Variants in ALPK2 observed in about 807,000 individuals in gnomAD.
ALPK2 encodes alpha-protein kinase 2.
ALPK2 carries 127 observed loss-of-function variants against 163.1 expected under a neutral mutation model. That is an observed-to-expected ratio of 0.78 (90% CI 0.67 to 0.90). ALPK2 has a LOEUF of 0.90. Among genes scored for constraint, ALPK2 ranks in the 40% least tolerant of loss-of-function variants. The pLI is 0.00. For synonymous variants in ALPK2, 953 were observed against 959.1 expected, an observed-to-expected ratio of 0.99 and a Z score of 0.12; for missense variants, 2,360 against 2,589.6, an observed-to-expected ratio of 0.91 and a Z score of 1.92.
At chr18:58,603,885 G>A (rs905919528) in intron 3 of ALPK2, among the ~76,000 whole-genome samples, 2 of 152,044 alleles carry the variant, frequency 1.3e-5, no homozygotes, top group Non-Finnish European at 2.9e-5. Flanking sequence ...CCCTGGGAAT[G>A]CCTTCTTGGC....
intron 11 of ALPK2, among the ~76,000 whole-genome samples, chr18:58,502,179 CAA>C (rs9319931): frequency 9.2e-5 from 10 of 108,192 alleles, no homozygotes; most frequent in South Asian, 3.2e-4. Flanking sequence ...CACACACACA[CAA>C]AGAAAAAAAA....
intron 4 of ALPK2, among the ~76,000 whole-genome samples, chr18:58,542,183 G>C (rs1415162390): frequency 5.3e-5 from 8 of 152,240 alleles, no homozygotes; most frequent in Non-Finnish European, 4.4e-5. Context: ...ATTGGATATA[G>C]CATGCATGAC....
At chr18:58,563,053 G>C (rs1290394453) in intron 4 of ALPK2, among the ~76,000 whole-genome samples, 1 of 152,216 alleles carries the variant, frequency 6.6e-6, no homozygotes, top group Non-Finnish European at 1.5e-5. Context: ...ATTACAGAGT[G>C]ATGCTCCCCC....
intron 1 of ALPK2, among the ~76,000 whole-genome samples, chr18:58,617,101 G>A (rs939711359): frequency 6.6e-6 from 1 of 152,162 alleles, no homozygotes; most frequent in African/African-American, 2.4e-5. Flanking sequence ...TTGTTGTTGT[G>A]GTGGTGGGAG....
chr18:58,510,950 C>A (rs1188873659), intron 10 of ALPK2, among the ~76,000 whole-genome samples: 1 of 152,200 alleles, frequency 6.6e-6, no homozygotes, highest in Non-Finnish European at 1.5e-5. Flanking sequence ...GAGAGGGCGT[C>A]CCTGTCTTAT....
At chr18:58,540,920 G>C (rs946899209) in intron 4 of ALPK2, among the ~76,000 whole-genome samples, 11 of 152,196 alleles carry the variant, frequency 7.2e-5, no homozygotes, top group Admixed American at 3.3e-4. Context: ...CATCAGCAAA[G>C]TAATAAGCGG....
chr18:58,555,460 G>A (rs1338874861), intron 4 of ALPK2, among the ~76,000 whole-genome samples: 1 of 152,192 alleles, frequency 6.6e-6, no homozygotes, highest in Non-Finnish European at 1.5e-5. Flanking sequence ...GCAAAGGTAA[G>A]CACTGAGCAA....
intron 8 of ALPK2, among the ~76,000 whole-genome samples, chr18:58,520,310 A>G (rs1343353257): frequency 6.6e-6 from 1 of 151,642 alleles, no homozygotes; most frequent in Non-Finnish European, 1.5e-5. Context: ...GGTGCCTGTA[A>G]TCCAACTACT....
chr18:58,518,256 G>A (rs1225033124), intron 8 of ALPK2, among the ~76,000 whole-genome samples: 1 of 152,078 alleles, frequency 6.6e-6, no homozygotes, highest in Non-Finnish European at 1.5e-5. Flanking sequence ...AAAATCATAC[G>A]ATTTGAGACT....
In ALPK2 at chr18:58,504,278, C is replaced by A. The variant is rs1602189781; in HGVS notation, c.6030-130G>T. 6 of 690,360 alleles carry A rather than the reference C, an allele frequency of 8.7e-6. 1 individual carries two copies. In the South Asian group the frequency reaches 1.2e-4, roughly 14 times the overall value. 42.8% of individuals were successfully genotyped at this position (690,360 alleles called of 1,614,324 possible). A position where few individuals can be genotyped will look rare whatever the true frequency, so the allele number is the denominator to read the frequency against. On this transcript the variant is annotated intron_variant, in intron 10 of 12. Coordinates refer to ENST00000361673, the MANE Select transcript of ALPK2 (RefSeq NM_052947.4). Reference sequence around the variant, plus strand: ...CCCCAATTCTGCTAGGTTTAGACTACAAATCCATCCAATGACTTTTTAGTG... The same window carrying A: ...CCCCAATTCTGCTAGGTTTAGACTAAAAATCCATCCAATGACTTTTTAGTG...
intron 8 of ALPK2, among the ~76,000 whole-genome samples, chr18:58,520,834 T>TA (rs1349047599): frequency 3.3e-5 from 5 of 152,178 alleles, no homozygotes; most frequent in African/African-American, 7.2e-5. Context: ...CCTCTGAATT[T>TA]AAAAAAAGTG....
At chr18:58,620,042 G>A (rs2052190124) in intron 1 of ALPK2, among the ~76,000 whole-genome samples, 1 of 152,232 alleles carries the variant, frequency 6.6e-6, no homozygotes, top group African/African-American at 2.4e-5. Context: ...TGTTATCCCA[G>A]CACTTTGGGA....
chr18:58,517,435 C>T (rs2051528162), intron 8 of ALPK2, among the ~76,000 whole-genome samples: 1 of 152,042 alleles, frequency 6.6e-6, no homozygotes, highest in African/African-American at 2.4e-5. Context: ...CTGGAAAGAT[C>T]AGGAAAAGAA....
At chr18:58,628,368 G>A (rs1041368773) in intron 1 of ALPK2, among the ~76,000 whole-genome samples, 1 of 152,038 alleles carries the variant, frequency 6.6e-6, no homozygotes, top group Non-Finnish European at 1.5e-5. Flanking sequence ...AAAGTCTCTG[G>A]GGCCTGAGTT....
In ALPK2 at chr18:58,536,863, T is replaced by C. The variant is rs2051651949; in HGVS notation, c.3324A>G (p.Gly1108=). The change falls in exon 5 of 13, where the codon GGA becomes GGG. Residue 1108 remains glycine, a synonymous_variant. Coordinates refer to ENST00000361673, the MANE Select transcript of ALPK2 (RefSeq NM_052947.4). ...CTCTGTCCACAGTCTGGCTCTTATCTCCAGACAGGTTATCAACCTGAAGAG... is the reference window on the plus strand; with the variant it reads ...CTCTGTCCACAGTCTGGCTCTTATCCCCAGACAGGTTATCAACCTGAAGAG... ...NSPLQVDNLS[G]DKSQTVDRAD... 6.2e-7 allele frequency: 1 copy of C among 1,614,012 alleles called. No homozygotes were observed. The highest frequency in any genetic ancestry group is 1.1e-5 in the South Asian group (1 of 91,080).
intron 6 of ALPK2, among the ~76,000 whole-genome samples, chr18:58,525,589 G>A (rs4581790): frequency 0.051 from 7,789 of 152,196 alleles, 244 homozygotes; most frequent in African/African-American, 0.09. Flanking sequence ...CCCCACCCAA[G>A]GCTTTCTTCT....
intron 4 of ALPK2, 81 bp downstream of exon 4, chr18:58,578,733 G>GACACACGCGCGCGCGCGCGC: frequency 1.9e-6 from 1 of 530,150 alleles, no homozygotes; most frequent in Non-Finnish European, 3.1e-6. Context: ...TAAAGGAAGA[G>GACACACGCGCGCGCGCGCGC]ACACACACAC....
intron 1 of ALPK2, among the ~76,000 whole-genome samples, chr18:58,619,088 A>C (rs902904172): frequency 6.6e-6 from 1 of 152,222 alleles, no homozygotes; most frequent in South Asian, 2.1e-4. Context: ...CCTAATACCC[A>C]GTCCCGTGTT....
intron 4 of ALPK2, among the ~76,000 whole-genome samples, chr18:58,553,551 C>T (rs1415948689): frequency 6.6e-6 from 1 of 152,080 alleles, no homozygotes; most frequent in Non-Finnish European, 1.5e-5. Context: ...CCCTATAATC[C>T]CCACGCATCA....
Sources: gnomAD v4.1 joint callset for allele counts (sites outside exome capture counted in the v4.1 genomes callset) on GRCh38, gnomAD v4.1.1 for gene constraint, MANE v1.5 for transcripts, NCBI Gene and HGNC (gene_info 2026-07-23, HGNC 2026-07-21) for gene names.